ROBO2: variants seen among roughly 807,000 people sequenced by gnomAD.
ROBO2 encodes the protein roundabout guidance receptor 2, also known as roundabout homolog 2.
ROBO2 carries 53 observed loss-of-function variants against 160.8 expected under a neutral mutation model. The observed-to-expected ratio is 0.33, with a 90% CI of 0.26 to 0.41. ROBO2 has a LOEUF of 0.41. Ranked by LOEUF, ROBO2 falls within the 10% of genes least tolerant of loss-of-function variation. ROBO2 has a pLI of 1.00. For missense variants in ROBO2, 1,577 were observed against 1,722.4 expected (o/e 0.92, Z 1.49); for synonymous variants, 664 against 611.7 (o/e 1.09, Z -1.26).
intron 2 of ROBO2, among the ~76,000 whole-genome samples, chr3:77,410,531 CTCCTCCTCTTCTTCCTCCTCTTCT>C (rs1190874497): frequency 7.6e-4 from 89 of 117,052 alleles, no homozygotes; most frequent in African/African-American, 2.6e-3. Flanking sequence ...CCTCCTCTTC[CTCCTCCTCTTCTTCCTCCTCTTCT>C]TCCTCCTCTT....
At chr3:76,974,665 A>T (rs371056522) in intron 2 of ROBO2, among the ~76,000 whole-genome samples, 17 of 152,268 alleles carry the variant, frequency 1.1e-4, no homozygotes, top group African/African-American at 4.1e-4. Context: ...GCTTTTGCTG[A>T]CCTTCATTGT....
intron 2 of ROBO2, among the ~76,000 whole-genome samples, chr3:77,255,761 G>T (rs2153318087): frequency 6.6e-6 from 1 of 152,234 alleles, no homozygotes; most frequent in East Asian, 1.9e-4. Flanking sequence ...ATTTTCAAGA[G>T]GATCCTAAAT....
intron 1 of ROBO2, among the ~76,000 whole-genome samples, chr3:77,044,533 T>G (rs1466154740): frequency 6.6e-6 from 1 of 152,184 alleles, no homozygotes; most frequent in Non-Finnish European, 1.5e-5. Context: ...TTCCTTTTCT[T>G]ATTCTCCTCC....
chr3:77,500,204 T>C (rs2087382686), intron 5 of ROBO2, among the ~76,000 whole-genome samples: 1 of 152,206 alleles, frequency 6.6e-6, no homozygotes, highest in African/African-American at 2.4e-5. Context: ...GGACTTACCA[T>C]GTGCCTTACA....
intron 2 of ROBO2, among the ~76,000 whole-genome samples, chr3:77,465,111 G>A (rs1425859532): frequency 6.6e-6 from 1 of 152,008 alleles, no homozygotes; most frequent in Non-Finnish European, 1.5e-5. Context: ...GAGAAAACAA[G>A]GTTCTAATTT....
intron 2 of ROBO2, among the ~76,000 whole-genome samples, chr3:77,257,090 G>C (rs1195411263): frequency 6.6e-6 from 1 of 152,160 alleles, no homozygotes; most frequent in Non-Finnish European, 1.5e-5. Context: ...CCATGAGACT[G>C]TCTGTTGTCA....
intron 24 of ROBO2, among the ~76,000 whole-genome samples, chr3:77,640,515 A>G (rs2095336482): frequency 6.6e-6 from 1 of 152,142 alleles, no homozygotes; most frequent in Admixed American, 6.5e-5. Context: ...CTCTGGTTAC[A>G]TGAGTCTGGA....
At chr3:77,393,772 A>G (rs939478764) in intron 2 of ROBO2, among the ~76,000 whole-genome samples, 4 of 151,814 alleles carry the variant, frequency 2.6e-5, no homozygotes, top group South Asian at 2.1e-4. Flanking sequence ...TGCTATTCAT[A>G]TACTAGCTGT....
intron 6 of ROBO2, among the ~76,000 whole-genome samples, chr3:77,542,437 G>T (rs886419866): frequency 6.6e-6 from 1 of 152,108 alleles, no homozygotes; most frequent in Non-Finnish European, 1.5e-5. Context: ...GATCAATGTG[G>T]CATAAGTTCT....
chr3:77,582,180 C>A (rs532243419), intron 16 of ROBO2, among the ~76,000 whole-genome samples: 1 of 152,294 alleles, frequency 6.6e-6, no homozygotes, highest in African/African-American at 2.4e-5. Flanking sequence ...CTGCTCACTG[C>A]AAACTCTGTC....
At chr3:77,538,103 G>A (rs2092251730) in intron 6 of ROBO2, among the ~76,000 whole-genome samples, 1 of 98,584 alleles carries the variant, frequency 1.0e-5, no homozygotes, top group Non-Finnish European at 2.0e-5. Context: ...TTATTGCCAT[G>A]GACTCAATAA....
chr3:75,950,401 A>G (rs543685958), intron 2 of ROBO2, among the ~76,000 whole-genome samples: 5 of 152,240 alleles, frequency 3.3e-5, no homozygotes, highest in African/African-American at 9.6e-5. Flanking sequence ...TTATAGCTTA[A>G]TAAGTAGAGG....
intron 2 of ROBO2, among the ~76,000 whole-genome samples, chr3:76,057,730 A>G (rs1413832567): frequency 6.6e-6 from 1 of 152,076 alleles, no homozygotes; most frequent in Non-Finnish European, 1.5e-5. Flanking sequence ...GCAAATATTC[A>G]CCAAATGTCC....
rs769748713 is a variant in ROBO2 at position 77,583,954 on chromosome 3, C to T, written c.2500+3836C>T. 5.5e-4 allele frequency among the ~76,000 whole-genome samples: 84 copies of T among 152,058 alleles called. 3 individuals carry two copies. The highest frequency in any genetic ancestry group is 1.8e-4 in the Non-Finnish European group (12 of 68,004). On this transcript the variant is annotated intron_variant, in intron 16 of 25. Transcript: ENST00000461745. ...AAGGCATGATCCTCTCCTGGGCTTC[C>T]GGTGAGAAGCCTCATATGTTTATCT...
intron 1 of ROBO2, among the ~76,000 whole-genome samples, chr3:75,936,793 A>C (rs1947800226): frequency 6.6e-6 from 1 of 152,022 alleles, no homozygotes. Context: ...CAATATGAAA[A>C]GCAGTTTCAA....
At chr3:76,563,680 C>A (rs567436588) in intron 2 of ROBO2, among the ~76,000 whole-genome samples, 1 of 152,116 alleles carries the variant, frequency 6.6e-6, no homozygotes, top group Non-Finnish European at 1.5e-5. Flanking sequence ...AATATGTTGA[C>A]TGTAGATTAA....
chr3:76,458,502 G>A (rs778760697), intron 2 of ROBO2, among the ~76,000 whole-genome samples: 1 of 152,092 alleles, frequency 6.6e-6, no homozygotes, highest in Non-Finnish European at 1.5e-5. Context: ...ACATTTTCCT[G>A]TCTTCTTCTT....
intron 2 of ROBO2, among the ~76,000 whole-genome samples, chr3:76,412,650 C>T (rs918155577): frequency 2.0e-5 from 3 of 152,184 alleles, no homozygotes; most frequent in African/African-American, 4.8e-5. Context: ...AGCTCCAAAA[C>T]GATCTCCTGT....
chr3:77,419,468 T>C (rs2077526357), intron 2 of ROBO2, among the ~76,000 whole-genome samples: 2 of 152,046 alleles, frequency 1.3e-5, no homozygotes, highest in Admixed American at 6.6e-5. Context: ...GGACATATAT[T>C]ACTATGAAAA....
Sources: gnomAD v4.1 joint callset for allele counts (sites outside exome capture counted in the v4.1 genomes callset) on GRCh38, gnomAD v4.1.1 for gene constraint, MANE v1.5 for transcripts, NCBI Gene and HGNC (gene_info 2026-07-23, HGNC 2026-07-21) for gene names.